The following CNTNAP2 variants were observed in gnomAD, a reference collection of about 807,000 sequenced individuals.
CNTNAP2 encodes contactin associated protein 2, also known as contactin-associated protein-like 2.
Under a neutral mutation model 155.2 loss-of-function variants are expected in CNTNAP2, and 98 were observed. That is an observed-to-expected ratio of 0.63 (90% CI 0.54 to 0.75). The LOEUF (loss-of-function observed/expected upper bound fraction) is 0.75. Among genes scored for constraint, CNTNAP2 ranks in the 30% least tolerant of loss-of-function variants. The pLI is 0.00. For synonymous variants in CNTNAP2, 651 were observed against 631.2 expected (o/e 1.03, Z -0.47); for missense variants, 1,727 against 1,688.1 (o/e 1.02, Z -0.40).
chr7:146,987,047 T>C (rs1411646026), intron 3 of CNTNAP2, among the ~76,000 whole-genome samples: 2 of 152,182 alleles, frequency 1.3e-5, no homozygotes, highest in African/African-American at 4.8e-5. Context: ...CTAATATTTG[T>C]TAAGTTCTTA....
chr7:147,425,536 C>G (rs1003784061), intron 10 of CNTNAP2, among the ~76,000 whole-genome samples: 1 of 152,034 alleles, frequency 6.6e-6, no homozygotes, highest in Non-Finnish European at 1.5e-5. Flanking sequence ...ACTCCCTGAT[C>G]TAGCATCCAG....
chr7:148,235,954 G>A (rs750666423), intron 20 of CNTNAP2, among the ~76,000 whole-genome samples: 2 of 151,646 alleles, frequency 1.3e-5, no homozygotes, highest in Non-Finnish European at 2.9e-5. Context: ...CAAAGTGCTG[G>A]AATTACAGGT....
chr7:147,063,321 T>A (rs1054075274), intron 4 of CNTNAP2, among the ~76,000 whole-genome samples: 1 of 152,040 alleles, frequency 6.6e-6, no homozygotes, highest in African/African-American at 2.4e-5. Context: ...AAAGAATGAA[T>A]CCCTCTTTTA....
chr7:147,132,643 T>A, intron 8 of CNTNAP2, 134 bp downstream of exon 8: 1 of 1,205,642 alleles, frequency 8.3e-7, no homozygotes, highest in South Asian at 1.3e-5. Flanking sequence ...GACGCTTACT[T>A]GGTTGTAGTG....
chr7:146,924,367 A>T (rs1796563985), intron 3 of CNTNAP2, among the ~76,000 whole-genome samples: 2 of 152,122 alleles, frequency 1.3e-5, no homozygotes, highest in South Asian at 4.1e-4. Context: ...GGACTCTGTT[A>T]TGTTATTCCA....
At chr7:147,614,106 G>A (rs921212184) in intron 12 of CNTNAP2, among the ~76,000 whole-genome samples, 29 of 152,056 alleles carry the variant, frequency 1.9e-4, no homozygotes, top group African/African-American at 6.8e-4. Flanking sequence ...ATTTTAATTG[G>A]CTGTGCCTGT....
intron 13 of CNTNAP2, among the ~76,000 whole-genome samples, chr7:147,677,610 C>CT (rs555057942): frequency 1.3e-5 from 2 of 151,378 alleles, no homozygotes; most frequent in South Asian, 2.1e-4. Context: ...TGTCATGTAG[C>CT]TTTTTTTTCT....
intron 1 of CNTNAP2, among the ~76,000 whole-genome samples, chr7:146,281,078 G>C (rs1800244292): frequency 6.6e-6 from 1 of 152,158 alleles, no homozygotes; most frequent in East Asian, 1.9e-4. Flanking sequence ...GAAGGAGGCA[G>C]AATTCTACAT....
chr7:148,215,848 G>A (rs1278303688), intron 18 of CNTNAP2, among the ~76,000 whole-genome samples: 1 of 152,170 alleles, frequency 6.6e-6, no homozygotes, highest in Non-Finnish European at 1.5e-5. Context: ...GGACTTCGCT[G>A]CTCTGTGCCG....
At chr7:147,036,150 AT>A (rs1799147970) in intron 3 of CNTNAP2, among the ~76,000 whole-genome samples, 1 of 152,164 alleles carries the variant, frequency 6.6e-6, no homozygotes, top group Non-Finnish European at 1.5e-5. Context: ...TGAGCTATGA[AT>A]AATTTTTACA....
intron 8 of CNTNAP2, among the ~76,000 whole-genome samples, chr7:147,185,774 C>G (rs963640091): frequency 6.6e-6 from 1 of 152,102 alleles, no homozygotes; most frequent in African/African-American, 2.4e-5. Context: ...TCCCATAATT[C>G]CCATGTGTCG....
chr7:147,018,633 T>G (rs565818995), intron 3 of CNTNAP2, among the ~76,000 whole-genome samples: 1 of 152,220 alleles, frequency 6.6e-6, no homozygotes, highest in African/African-American at 2.4e-5. Flanking sequence ...ATTCAAAAAC[T>G]GTTTTTGGAA....
At chr7:146,808,220 A>G (rs1803002754) in intron 2 of CNTNAP2, among the ~76,000 whole-genome samples, 6 of 152,232 alleles carry the variant, frequency 3.9e-5, no homozygotes. Flanking sequence ...TCCTCACAAT[A>G]TACAAAATTA....
Position 146,160,254 on chromosome 7 carries a change from T to C in CNTNAP2, c.97+43281T>C, listed in dbSNP as rs149212652. The stretch of plus-strand genomic sequence containing the variant: ...AAGAGAAAGCAGGAAAAATCTAAAA[T>C]TGACACCCTAACATCACAATTAAAA... On this transcript the variant is annotated intron_variant, in intron 1 of 23. Coordinates refer to ENST00000361727, the MANE Select transcript of CNTNAP2 (RefSeq NM_014141.6). Among the ~76,000 whole-genome samples, 1,284 of 152,166 alleles carry C rather than the reference T, an allele frequency of 8.4e-3. 20 individuals carry two copies. The highest frequency in any genetic ancestry group is 0.029 in the African/African-American group (1,222 of 41,516).
intron 1 of CNTNAP2, among the ~76,000 whole-genome samples, chr7:146,537,855 A>G (rs1277607221): frequency 6.6e-6 from 1 of 152,048 alleles, no homozygotes; most frequent in Non-Finnish European, 1.5e-5. Flanking sequence ...CTGGGGAGAG[A>G]GCAGGCATAG....
chr7:146,668,000 G>T (rs1800227979), intron 1 of CNTNAP2, among the ~76,000 whole-genome samples: 1 of 151,986 alleles, frequency 6.6e-6, no homozygotes, highest in Non-Finnish European at 1.5e-5. Flanking sequence ...GGGACTTCTA[G>T]TTCTATATTG....
intron 13 of CNTNAP2, among the ~76,000 whole-genome samples, chr7:147,679,154 G>A (rs1795912582): frequency 6.6e-6 from 1 of 151,882 alleles, no homozygotes; most frequent in Admixed American, 6.6e-5. Context: ...ATATATGAGT[G>A]TGATAACTTA....
Position 148,174,299 on chromosome 7 carries a change from G to T in CNTNAP2, c.3010+1821G>T, listed in dbSNP as rs553717518. 2.6e-3 allele frequency among the ~76,000 whole-genome samples: 389 copies of T among 152,344 alleles called. 1 individual carries two copies. Among genetic ancestry groups the T allele is most frequent in the Non-Finnish European group, 4.3e-3 (291 of 68,030 alleles). On this transcript the variant is annotated intron_variant, in intron 18 of 23. Coordinates refer to ENST00000361727, the MANE Select transcript of CNTNAP2 (RefSeq NM_014141.6). ...AGGAATCCCACAGCTGTCCAGGAAA[G>T]CTTTGTCTGCACTGAGGCAAGCTCC...
At chr7:146,473,053 G>T (rs762405022) in intron 1 of CNTNAP2, among the ~76,000 whole-genome samples, 17 of 151,570 alleles carry the variant, frequency 1.1e-4, no homozygotes, top group Non-Finnish European at 2.2e-4. Context: ...TCTATATTTG[G>T]CCTGAATTTT....
Sources: allele counts gnomAD v4.1 joint callset (sites outside exome capture counted in the v4.1 genomes callset), GRCh38; gene constraint gnomAD v4.1.1; transcripts MANE v1.5; gene names NCBI Gene and HGNC (gene_info 2026-07-23, HGNC 2026-07-21).